AQR: variants seen among roughly 807,000 people sequenced by gnomAD.
AQR encodes aquarius intron-binding spliceosomal factor, also known as RNA helicase aquarius.
Under a neutral mutation model 180.5 loss-of-function variants are expected in AQR, and 61 were observed. The ratio of observed to expected loss-of-function variants is 0.34; its 90% CI spans 0.28 to 0.42. The LOEUF (loss-of-function observed/expected upper bound fraction) is 0.42, where lower values mean the gene tolerates loss of function less well. AQR is among the 10% of genes least tolerant of loss of function. The pLI is 1.00. For synonymous variants in AQR, 551 were observed against 588.8 expected (o/e 0.94, Z 0.93); for missense variants, 1,281 against 1,798.3 (o/e 0.71, Z 5.20).
intron 17 of AQR, among the ~76,000 whole-genome samples, chr15:34,909,521 T>C (rs919092748): frequency 6.6e-6 from 1 of 152,204 alleles, no homozygotes; most frequent in African/African-American, 2.4e-5. Context: ...TTGACTACAT[T>C]TGACTTCACT....
intron 12 of AQR, among the ~76,000 whole-genome samples, chr15:34,928,179 G>C (rs1293221539): frequency 6.6e-6 from 1 of 151,948 alleles, no homozygotes; most frequent in Non-Finnish European, 1.5e-5. Flanking sequence ...TAGTAGGAAA[G>C]AAGAAAAACA....
chr15:34,930,237 T>C, intron 12 of AQR, 21 bp downstream of exon 12: 1 of 1,445,380 alleles, frequency 6.9e-7, no homozygotes. Flanking sequence ...GCATACACAG[T>C]CTATAATGTA....
intron 19 of AQR, among the ~76,000 whole-genome samples, chr15:34,901,430 T>A (rs1893330321): frequency 6.6e-6 from 1 of 152,116 alleles, no homozygotes; most frequent in Admixed American, 6.6e-5. Flanking sequence ...AAATAAAATT[T>A]CAGAAGGAAA....
intron 20 of AQR, among the ~76,000 whole-genome samples, chr15:34,899,042 C>A (rs761218338): frequency 6.6e-6 from 1 of 151,358 alleles, no homozygotes; most frequent in Non-Finnish European, 1.5e-5. Context: ...TGGTGGCGGG[C>A]GCCTGCAGTC....
intron 6 of AQR, chr15:34,943,384 T>A: frequency 1.5e-6 from 2 of 1,363,166 alleles, no homozygotes; most frequent in Non-Finnish European, 1.0e-6. Flanking sequence ...AAGGGCCAAG[T>A]GATTCAGTTC....
chr15:34,915,903 G>A (rs560577271), intron 15 of AQR, among the ~76,000 whole-genome samples: 1 of 151,742 alleles, frequency 6.6e-6, no homozygotes, highest in Non-Finnish European at 1.5e-5. Context: ...CCAAGATCAT[G>A]TCCTTGCACT....
At chr15:34,858,216 G>C (rs539003663) in intron 34 of AQR, among the ~76,000 whole-genome samples, 2 of 150,058 alleles carry the variant, frequency 1.3e-5, no homozygotes, top group Admixed American at 1.3e-4. Flanking sequence ...ACTCCTGACC[G>C]CAGGTGATCC....
rs572403070 is a variant in AQR at position 34,885,194 on chromosome 15, G to C, written c.2818-460C>G. Reference sequence around the variant, plus strand: ...TTTGGCACTTGTCAACCCTCTGTCAGTTTTTTAGAACATTTATAAAGAACG... The same window carrying C: ...TTTGGCACTTGTCAACCCTCTGTCACTTTTTTAGAACATTTATAAAGAACG... On this transcript the variant is annotated intron_variant, in intron 25 of 34. Coordinates refer to ENST00000156471, the MANE Select transcript of AQR (RefSeq NM_014691.3). Among the ~76,000 whole-genome samples, 44 of 152,248 alleles carry C rather than the reference G, an allele frequency of 2.9e-4. No individual in the cohort carries two copies. In the South Asian group the frequency reaches 3.7e-3, roughly 13 times the overall value.
At position 34,884,680 on chromosome 15, in the gene AQR, A is replaced by C. The variant is rs1489476230; in HGVS notation, c.2872T>G (p.Leu958Val). The C allele has an allele frequency of 6.2e-7, 1 of 1,611,414 alleles. No individual in the cohort carries two copies. The highest frequency in any genetic ancestry group is 1.3e-5 in the African/African-American group (1 of 74,758). Residue 958 changes from leucine (L) to valine (V), a missense_variant, in exon 26 of 35, where the codon TTG becomes GTG. Around this residue, in one of 9 missense-constraint regions of AQR, gnomAD observed 125 missense variants for 185.0 expected, o/e 0.68. Transcript: ENST00000156471. ...ISKVKNKGST[L>V]PDVTEVSTFF... ...GTGGAGACTTCCGTAACATCTGGCA[A>C]TGTACTACCTTTATTTTTCACTTTG...
At chr15:34,862,713 T>C (rs1472269154) in intron 33 of AQR, among the ~76,000 whole-genome samples, 154 bp downstream of exon 33, 2 of 152,118 alleles carry the variant, frequency 1.3e-5, no homozygotes, top group African/African-American at 2.4e-5. Flanking sequence ...CATTTTTATA[T>C]AGAAAATCTA....
At position 34,904,449 on chromosome 15, in the gene AQR, C is replaced by A; in HGVS notation, c.1888G>T (p.Asp630Tyr). 6.2e-7 allele frequency: 1 copy of A among 1,612,226 alleles called. No individual in the cohort carries two copies. ...ATATCTTGTTGATACTGGTTTGGATCCAAAAACACTCTAAATGTCCTTGAT... is the reference window on the plus strand; with the variant it reads ...ATATCTTGTTGATACTGGTTTGGATACAAAAACACTCTAAATGTCCTTGAT... ...GESRTFRVFL[D>Y]PNQYQQDMTN... The change falls in exon 19 of 35, where the codon GAT (aspartate) becomes TAT (tyrosine). Residue 630 changes from aspartate (D) to tyrosine (Y), a missense_variant. By Grantham distance (160) the Asp-to-Tyr change is radical. This residue lies in a region of AQR where 200 missense variants were observed against 293.4 expected (regional missense o/e 0.68). Coordinates refer to ENST00000156471, the MANE Select transcript of AQR (RefSeq NM_014691.3).
intron 5 of AQR, among the ~76,000 whole-genome samples, chr15:34,946,415 C>T (rs1385550011): frequency 2.1e-5 from 3 of 144,672 alleles, no homozygotes; most frequent in Non-Finnish European, 3.1e-5. Context: ...CCAGCCGCCC[C>T]GTCCGGGAGG....
In AQR at chr15:34,953,153, C is replaced by T. The variant is rs115424352; in HGVS notation, c.174-233G>A. On this transcript the variant is annotated intron_variant, in intron 3 of 34. Transcript: ENST00000156471. ...CTAGAGTCATGCCTTCCTAAAAGCA[C>T]GCAGGACACATATCTATATTGCAAA... 8.5e-3 allele frequency among the ~76,000 whole-genome samples: 1,294 copies of T among 152,226 alleles called. 18 individuals are homozygous for T. Among genetic ancestry groups the T allele is most frequent in the African/African-American group, 0.03 (1,241 of 41,544 alleles).
At chr15:34,958,259 A>G (rs1314594538) in intron 3 of AQR, among the ~76,000 whole-genome samples, 2 of 152,066 alleles carry the variant, frequency 1.3e-5, no homozygotes, top group African/African-American at 4.8e-5. Flanking sequence ...TAATTCCTAT[A>G]ATCCCAGCAC....
intron 26 of AQR, 49 bp from the exon 27 acceptor site, chr15:34,882,688 T>C: frequency 6.4e-7 from 1 of 1,561,746 alleles, no homozygotes; most frequent in Non-Finnish European, 8.7e-7. Flanking sequence ...AACGGAGTTT[T>C]GCACATAACC....
chr15:34,925,963 C>T (rs889994399), intron 13 of AQR, among the ~76,000 whole-genome samples: 9 of 152,006 alleles, frequency 5.9e-5, no homozygotes, highest in African/African-American at 1.9e-4. Flanking sequence ...GGTCAGAGAT[C>T]GAGACCATCT....
chr15:34,867,636 T>G, intron 31 of AQR, 27 bp from the exon 32 acceptor site: 1 of 1,567,988 alleles, frequency 6.4e-7, no homozygotes, highest in Non-Finnish European at 8.7e-7. Flanking sequence ...GAAAATATGG[T>G]GCATTTGCAA....
intron 5 of AQR, among the ~76,000 whole-genome samples, chr15:34,947,289 T>G (rs1359776357): frequency 6.6e-6 from 1 of 151,568 alleles, no homozygotes. Context: ...AGATGTGCTT[T>G]GTTAAACAGA....
At chr15:34,859,383 A>C (rs1348384797) in intron 34 of AQR, among the ~76,000 whole-genome samples, 1 of 152,190 alleles carries the variant, frequency 6.6e-6, no homozygotes, top group African/African-American at 2.4e-5. Context: ...AAAATTTTAA[A>C]AAGACGTACC....
Sources: gnomAD v4.1 joint callset for allele counts (sites outside exome capture counted in the v4.1 genomes callset) on GRCh38, gnomAD v4.1.1 for gene constraint, gnomAD v4.1.1 regional missense constraint, MANE v1.5 for transcripts, NCBI Gene and HGNC (gene_info 2026-07-23, HGNC 2026-07-21) for gene names.